Variants in BLOC1S5 observed in about 807,000 individuals in gnomAD.
BLOC1S5 encodes biogenesis of lysosome-related organelles complex 1 subunit 5.
Under a neutral mutation model 24.3 loss-of-function variants are expected in BLOC1S5, and 27 were observed. That is an observed-to-expected ratio of 1.11 (90% CI 0.82 to 1.53). The LOEUF (loss-of-function observed/expected upper bound fraction) is 1.53. BLOC1S5 is among the 40% of genes most tolerant of loss of function. The pLI, the probability that BLOC1S5 is intolerant of heterozygous loss-of-function variation, is 0.00. For synonymous variants in BLOC1S5, 84 were observed against 74.5 expected, an observed-to-expected ratio of 1.13 and a Z score of -0.66; for missense variants, 239 against 229.4, an observed-to-expected ratio of 1.04 and a Z score of -0.27.
chr6:8,053,853 T>C (rs990878749), intron 2 of BLOC1S5, among the ~76,000 whole-genome samples: 8 of 152,204 alleles, frequency 5.3e-5, no homozygotes, highest in Non-Finnish European at 1.2e-4. Context: ...TTGGTGTATC[T>C]TCCAGTTATT....
chr6:8,020,894 G>A (rs1762893837), intron 4 of BLOC1S5, among the ~76,000 whole-genome samples: 2 of 152,144 alleles, frequency 1.3e-5, no homozygotes, highest in South Asian at 4.1e-4. Flanking sequence ...CAATTCTACT[G>A]TTGGGCATAT....
At chr6:8,053,822 T>G (rs756344021) in intron 2 of BLOC1S5, among the ~76,000 whole-genome samples, 16 of 152,188 alleles carry the variant, frequency 1.1e-4, no homozygotes, top group Non-Finnish European at 2.1e-4. Context: ...TCTTTCTCTG[T>G]GTGGTCTTTG....
At chr6:8,051,459 C>G (rs1764103190) in intron 2 of BLOC1S5, among the ~76,000 whole-genome samples, 1 of 152,204 alleles carries the variant, frequency 6.6e-6, no homozygotes, top group African/African-American at 2.4e-5. Context: ...CCATAACATA[C>G]AAGTGCAAGG....
In BLOC1S5 at chr6:8,017,625, C is replaced by T. The variant is rs76809129; in HGVS notation, c.385-1797G>A. Among the ~76,000 whole-genome samples, 1,474 of 152,282 alleles carry T rather than the reference C, an allele frequency of 9.7e-3. 27 individuals carry two copies. Among genetic ancestry groups the T allele is most frequent in the African/African-American group, 0.034 (1,403 of 41,562 alleles). On this transcript the variant is annotated intron_variant, in intron 4 of 4. Coordinates refer to ENST00000397457, the MANE Select transcript of BLOC1S5 (RefSeq NM_201280.3). ...TCAGGATGACAAACAGGATGAAGGG[C>T]TGAATAAGCCAATGTGCTCTAAGTA...
intron 4 of BLOC1S5, among the ~76,000 whole-genome samples, chr6:8,022,066 G>A (rs1470235379): frequency 2.6e-5 from 4 of 152,018 alleles, no homozygotes; most frequent in South Asian, 2.1e-4. Context: ...CCTGAAGATC[G>A]GCATCTAGAA....
intron 3 of BLOC1S5, among the ~76,000 whole-genome samples, chr6:8,029,725 TG>T (rs1763234511): frequency 6.6e-6 from 1 of 152,192 alleles, no homozygotes; most frequent in Admixed American, 6.5e-5. Context: ...GATATCCCTT[TG>T]CGGACCTCCC....
chr6:8,051,043 C>T (rs1764089826), intron 2 of BLOC1S5, among the ~76,000 whole-genome samples: 1 of 152,008 alleles, frequency 6.6e-6, no homozygotes, highest in African/African-American at 2.4e-5. Flanking sequence ...CAAAAATCAG[C>T]TGAGCAGGGT....
At chr6:8,020,345 A>G (rs1409701923) in intron 4 of BLOC1S5, among the ~76,000 whole-genome samples, 1 of 152,236 alleles carries the variant, frequency 6.6e-6, no homozygotes, top group Non-Finnish European at 1.5e-5. Flanking sequence ...GGGGTATGGC[A>G]TGGACATCTT....
chr6:8,025,181 T>C (rs1277329080), intron 4 of BLOC1S5, among the ~76,000 whole-genome samples: 1 of 152,264 alleles, frequency 6.6e-6, no homozygotes, highest in Admixed American at 6.5e-5. Flanking sequence ...TATTATAGTG[T>C]TAGTGCTTTG....
At chr6:8,055,440 T>C (rs1264732728) in intron 2 of BLOC1S5, among the ~76,000 whole-genome samples, 3 of 152,114 alleles carry the variant, frequency 2.0e-5, no homozygotes, top group Non-Finnish European at 4.4e-5. Flanking sequence ...TCTCAAAAAA[T>C]ATATACAATA....
intron 2 of BLOC1S5, among the ~76,000 whole-genome samples, chr6:8,058,704 A>G (rs115190737): frequency 2.0e-4 from 30 of 152,318 alleles, no homozygotes; most frequent in African/African-American, 7.2e-4. Flanking sequence ...CAAAACAAAA[A>G]AAATGCCACC....
intron 2 of BLOC1S5, among the ~76,000 whole-genome samples, chr6:8,060,034 A>G (rs1212609195): frequency 1.3e-5 from 2 of 152,226 alleles, no homozygotes; most frequent in African/African-American, 2.4e-5. Context: ...CTGTTACTAT[A>G]AGCTGTTCTG....
chr6:8,032,521 T>C (rs1191319091), intron 3 of BLOC1S5, among the ~76,000 whole-genome samples: 5 of 152,180 alleles, frequency 3.3e-5, no homozygotes. Flanking sequence ...GCCAGTATCA[T>C]ACTGAATGGG....
At chr6:8,041,528 G>C (rs995670936) in intron 2 of BLOC1S5, among the ~76,000 whole-genome samples, 3 of 151,646 alleles carry the variant, frequency 2.0e-5, no homozygotes, top group Non-Finnish European at 4.4e-5. Context: ...TAGCTAGGAT[G>C]GTCTCGATCT....
intron 2 of BLOC1S5, among the ~76,000 whole-genome samples, chr6:8,041,655 C>CTTTCTTTT (rs111955375): frequency 1.8e-5 from 2 of 111,926 alleles, no homozygotes; most frequent in African/African-American, 3.2e-5. Flanking sequence ...TTCTTTCTTT[C>CTTTCTTTT]TTTTTTTTTG....
At chr6:8,049,326 G>A (rs1052693537) in intron 2 of BLOC1S5, among the ~76,000 whole-genome samples, 6 of 151,326 alleles carry the variant, frequency 4.0e-5, no homozygotes, top group Admixed American at 6.6e-5. Context: ...AGCCGCGATC[G>A]CGCCATTGCA....
chr6:8,064,206 G>T, intron 1 of BLOC1S5, 59 bp downstream of exon 1: 1 of 1,442,840 alleles, frequency 6.9e-7, no homozygotes, highest in Non-Finnish European at 9.3e-7. Context: ...AGAGGGCGCC[G>T]CCTGGGAGAT....
intron 4 of BLOC1S5, among the ~76,000 whole-genome samples, chr6:8,025,954 C>A (rs570500868): frequency 6.6e-6 from 1 of 152,274 alleles, no homozygotes; most frequent in African/African-American, 2.4e-5. Flanking sequence ...GATTCAAATA[C>A]TCCTATGGCT....
chr6:8,040,216 C>T (rs940487435), intron 3 of BLOC1S5, among the ~76,000 whole-genome samples: 1 of 152,034 alleles, frequency 6.6e-6, no homozygotes, highest in Admixed American at 6.6e-5. Flanking sequence ...GAGTGTTCAA[C>T]CATTATAAAT....
Sources: allele counts gnomAD v4.1 joint callset (sites outside exome capture counted in the v4.1 genomes callset), GRCh38; gene constraint gnomAD v4.1.1; transcripts MANE v1.5; gene names NCBI Gene and HGNC (gene_info 2026-07-23, HGNC 2026-07-21).